The following CUL4A variants were observed in gnomAD, a reference collection of about 807,000 sequenced individuals.
CUL4A encodes cullin 4A.
CUL4A carries 16 observed loss-of-function variants against 95.5 expected under a neutral mutation model. The observed-to-expected ratio is 0.17, with a 90% CI of 0.11 to 0.25. The LOEUF (loss-of-function observed/expected upper bound fraction) is 0.25, where lower values mean the gene tolerates loss of function less well. CUL4A is among the 10% of genes least tolerant of loss of function. The probability of loss-of-function intolerance (pLI) is 1.00; values close to 1 mark genes in which losing one functional copy is unlikely to be tolerated. For missense variants in CUL4A, 610 were observed against 937.0 expected, an observed-to-expected ratio of 0.65 and a Z score of 4.56; for synonymous variants, 380 against 353.1, an observed-to-expected ratio of 1.08 and a Z score of -0.85.
intron 18 of CUL4A, among the ~76,000 whole-genome samples, chr13:113,255,429 G>T (rs547952071): frequency 2.6e-5 from 4 of 152,276 alleles, no homozygotes; most frequent in African/African-American, 7.2e-5. Flanking sequence ...TATGGTAATA[G>T]AATCTGATAT....
At chr13:113,238,778 G>A (rs2139213714) in intron 9 of CUL4A, among the ~76,000 whole-genome samples, 1 of 152,324 alleles carries the variant, frequency 6.6e-6, no homozygotes, top group African/African-American at 2.4e-5. Flanking sequence ...CGTGCCCAGT[G>A]TAGGCAGAAT....
chr13:113,225,422 T>A (rs2041064863), intron 3 of CUL4A, among the ~76,000 whole-genome samples: 1 of 152,234 alleles, frequency 6.6e-6, no homozygotes. Flanking sequence ...AACAAAAAAA[T>A]TATTGATTGA....
intron 15 of CUL4A, among the ~76,000 whole-genome samples, chr13:113,251,470 A>C (rs1462187544): frequency 1.4e-5 from 2 of 147,096 alleles, no homozygotes; most frequent in African/African-American, 4.9e-5. Flanking sequence ...GTGGGAGAGG[A>C]GGGATTGGTT....
rs140312297 is a variant in CUL4A at position 113,251,904 on chromosome 13, T to C, written c.1639-1178T>C. 5.2e-3 allele frequency among the ~76,000 whole-genome samples: 785 copies of C among 151,862 alleles called. 4 individuals are homozygous for C. Among genetic ancestry groups the C allele is most frequent in the Middle Eastern group, 0.024 (7 of 294 alleles). The stretch of plus-strand genomic sequence containing the variant: ...TCCCGGAGCATTGGCATTTGTGGAG[T>C]GGACGAGAGCAGGGGGAGGCCACGC... On this transcript the variant is annotated intron_variant, in intron 15 of 19. Transcript: ENST00000375440.
intron 15 of CUL4A, among the ~76,000 whole-genome samples, chr13:113,252,521 G>A (rs1004683773): frequency 2.6e-5 from 4 of 152,192 alleles, no homozygotes; most frequent in African/African-American, 7.2e-5. Context: ...GACAGAGCAA[G>A]CCTGTGTTCC....
chr13:113,231,958 CATA>C (rs1376692899), intron 5 of CUL4A, among the ~76,000 whole-genome samples: 1 of 150,644 alleles, frequency 6.6e-6, no homozygotes, highest in South Asian at 2.1e-4. Flanking sequence ...CCACTGCCAC[CATA>C]ATATTATTAA....
In CUL4A at chr13:113,244,531, C is replaced by T. The variant is rs746970523; in HGVS notation, c.1333+17C>T. The T allele has an allele frequency of 6.3e-7, 1 of 1,577,158 alleles. No individual in the cohort carries two copies. Among genetic ancestry groups the T allele is most frequent in the Non-Finnish European group, 8.7e-7 (1 of 1,151,410 alleles). On this transcript the variant is annotated intron_variant, in intron 12 of 19. Coordinates refer to ENST00000375440, the MANE Select transcript of CUL4A (RefSeq NM_001008895.4). ...TTATCCACGGTGAGACTCGGGCACT[C>T]AGAAAATGCTGCATAATCAAGAGGT...
intron 3 of CUL4A, among the ~76,000 whole-genome samples, chr13:113,222,053 C>T (rs1051751904): frequency 3.6e-4 from 55 of 152,146 alleles, no homozygotes; most frequent in Admixed American, 3.3e-4. Flanking sequence ...CAGGGAGCAG[C>T]GTGGGCAGCC....
chr13:113,210,146 C>G lies in CUL4A; in HGVS notation c.264+58C>G, dbSNP rs2040329889. ...CCTGCCCCGCGTGACGCAGACGCGG[C>G]CGGGCGGCCGCTCCGGGTGCCTCGC... is the stretch of plus-strand genomic sequence containing the variant. On this transcript the variant is annotated intron_variant, in intron 2 of 19. Coordinates refer to ENST00000375440, the MANE Select transcript of CUL4A (RefSeq NM_001008895.4). 3 of 1,219,758 alleles carry G rather than the reference C, an allele frequency of 2.5e-6. No homozygotes were observed. In the African/African-American group the frequency reaches 4.8e-5, roughly 20 times the overall value. 75.6% of individuals were successfully genotyped at this position (1,219,758 alleles called of 1,614,324 possible).
chr13:113,222,818 C>T (rs946642248), intron 3 of CUL4A, among the ~76,000 whole-genome samples: 7 of 152,090 alleles, frequency 4.6e-5, no homozygotes, highest in Admixed American at 2.6e-4. Flanking sequence ...GAGGATTGCA[C>T]GAGCCCAGGA....
chr13:113,208,534 G>T, upstream of CUL4A: 1 of 1,582,870 alleles, frequency 6.3e-7, no homozygotes. Flanking sequence ...TCCAAGGCAG[G>T]AGGGGACACA....
chr13:113,226,744 G>A (rs988106023), intron 3 of CUL4A, among the ~76,000 whole-genome samples: 1 of 152,234 alleles, frequency 6.6e-6, no homozygotes, highest in Non-Finnish European at 1.5e-5. Flanking sequence ...TTTGCCACAG[G>A]CTGGGCACAC....
Position 113,266,003 on chromosome 13 carries a change from T to C in CUL4A, c.*2421T>C, listed in dbSNP as rs1335633246. Reference sequence around the variant, plus strand: ...CAGTAGCTTTCCTATAAATATAGGCTATAATGGAGGGTCATTTTTTATTTT... The same window carrying C: ...CAGTAGCTTTCCTATAAATATAGGCCATAATGGAGGGTCATTTTTTATTTT... On this transcript the variant is annotated 3_prime_UTR_variant, in exon 20 of 20. Transcript: ENST00000375440. The C allele has an allele frequency of 6.6e-6, 1 of 152,182 alleles. No homozygotes were observed. Among genetic ancestry groups the C allele is most frequent in the East Asian group, 1.9e-4 (1 of 5,194 alleles). 9.4% of individuals were successfully genotyped at this position (152,182 alleles called of 1,614,324 possible).
intron 4 of CUL4A, among the ~76,000 whole-genome samples, chr13:113,228,718 A>G (rs1406900255): frequency 6.6e-6 from 1 of 152,106 alleles, no homozygotes; most frequent in Non-Finnish European, 1.5e-5. Flanking sequence ...CTCGCAACGC[A>G]GAGTCAGAGA....
upstream of CUL4A, chr13:113,208,365 G>T (rs2040104549): frequency 7.0e-7 from 1 of 1,433,048 alleles, no homozygotes; most frequent in Admixed American, 2.8e-5. Flanking sequence ...CGACGACTCC[G>T]CGATCCACGG....
chr13:113,234,363 C>A (rs375455221), intron 7 of CUL4A, among the ~76,000 whole-genome samples: 5 of 151,974 alleles, frequency 3.3e-5, no homozygotes, highest in Non-Finnish European at 7.4e-5. Context: ...AAAAGCTGTG[C>A]GAAAAAACAT....
intron 3 of CUL4A, among the ~76,000 whole-genome samples, chr13:113,225,590 A>T (rs1336967524): frequency 6.6e-6 from 1 of 152,246 alleles, no homozygotes; most frequent in Non-Finnish European, 1.5e-5. Flanking sequence ...GACTGGTGTC[A>T]GTTTAACCCC....
intron 16 of CUL4A, among the ~76,000 whole-genome samples, chr13:113,254,098 C>G (rs924460183): frequency 6.6e-6 from 1 of 152,158 alleles, no homozygotes; most frequent in Non-Finnish European, 1.5e-5. Flanking sequence ...AACTGCAGCT[C>G]TCTCCAGGTG....
At position 113,244,998 on chromosome 13, in the gene CUL4A, C is replaced by T. The variant is rs371100417; in HGVS notation, c.1383C>T (p.Leu461=). The T allele has an allele frequency of 4.7e-5, 76 of 1,614,108 alleles. 1 individual carries two copies. In the African/African-American group the frequency reaches 8.7e-4, roughly 18 times the overall value. Residue 461 remains leucine, a synonymous_variant, in exon 13 of 20, where the codon CTC becomes CTT. Coordinates refer to ENST00000375440, the MANE Select transcript of CUL4A (RefSeq NM_001008895.4). ...ATAAAAAAGATTTGGCAAAAAGACT[C>T]CTTGTTGGGAAAAGTGCCTCAGTCG... The part of the protein sequence containing the change: ...AFYKKDLAKR[L]LVGKSASVDA...
Sources: gnomAD v4.1 joint callset for allele counts (sites outside exome capture counted in the v4.1 genomes callset) on GRCh38, gnomAD v4.1.1 for gene constraint, MANE v1.5 for transcripts, NCBI Gene and HGNC (gene_info 2026-07-23, HGNC 2026-07-21) for gene names.